TANC2: variants seen among roughly 807,000 people sequenced by gnomAD.
TANC2 encodes protein TANC2.
TANC2 carries 26 observed loss-of-function variants against 210.5 expected under a neutral mutation model. The ratio of observed to expected loss-of-function variants is 0.12; its 90% CI spans 0.09 to 0.17. The LOEUF (loss-of-function observed/expected upper bound fraction) is 0.17. Among genes scored for constraint, TANC2 ranks in the 10% least tolerant of loss-of-function variants. The probability of loss-of-function intolerance (pLI) is 1.00; values close to 1 mark genes in which losing one functional copy is unlikely to be tolerated. For missense variants in TANC2, 2,129 were observed against 2,608.9 expected (o/e 0.82, Z 4.01); for synonymous variants, 931 against 967.1 (o/e 0.96, Z 0.69).
chr17:63,298,458 G>A (rs2044606058), intron 9 of TANC2, among the ~76,000 whole-genome samples: 2 of 152,180 alleles, frequency 1.3e-5, no homozygotes, highest in Admixed American at 6.6e-5. Context: ...GTCACATCTC[G>A]TTTGTGAGAT....
intron 3 of TANC2, among the ~76,000 whole-genome samples, chr17:63,077,183 G>A (rs944405610): frequency 4.6e-5 from 7 of 152,088 alleles, no homozygotes; most frequent in African/African-American, 1.4e-4. Flanking sequence ...CTTCTCAGTC[G>A]TAGCATTGGA....
At chr17:63,148,959 C>T (rs1353854898) in intron 4 of TANC2, 1 of 152,226 alleles carries the variant, frequency 6.6e-6, no homozygotes, top group East Asian at 1.9e-4. Context: ...TGGATGAGAA[C>T]ACCATTATCA....
At chr17:63,000,423 G>A (rs1266344932) in intron 1 of TANC2, among the ~76,000 whole-genome samples, 4 of 152,124 alleles carry the variant, frequency 2.6e-5, no homozygotes. Flanking sequence ...GATGAACATT[G>A]AAAATGAAAA....
At chr17:63,224,519 G>T (rs1598643219) in intron 7 of TANC2, among the ~76,000 whole-genome samples, 1 of 152,134 alleles carries the variant, frequency 6.6e-6, no homozygotes, top group South Asian at 2.1e-4. Context: ...GATTACAGGC[G>T]TGAGCCACCA....
chr17:63,186,198 C>T (rs2040977197), intron 5 of TANC2, among the ~76,000 whole-genome samples: 1 of 152,124 alleles, frequency 6.6e-6, no homozygotes, highest in South Asian at 2.1e-4. Context: ...TGTTCTGAAT[C>T]AGGTGATTAT....
At chr17:63,380,017 T>G (rs1190552772) in intron 15 of TANC2, among the ~76,000 whole-genome samples, 191 bp downstream of exon 15, 1 of 152,184 alleles carries the variant, frequency 6.6e-6, no homozygotes, top group East Asian at 1.9e-4. Flanking sequence ...CCAGTGTAAC[T>G]AACTGATAGG....
At chr17:62,994,019 A>G (rs1359091230) in intron 1 of TANC2, among the ~76,000 whole-genome samples, 1 of 152,084 alleles carries the variant, frequency 6.6e-6, no homozygotes, top group African/African-American at 2.4e-5. Context: ...TTTTTGGTGT[A>G]TTCTTTAGGA....
intron 2 of TANC2, among the ~76,000 whole-genome samples, chr17:63,016,224 A>T (rs2034100803): frequency 6.6e-6 from 1 of 152,220 alleles, no homozygotes; most frequent in South Asian, 2.1e-4. Flanking sequence ...TTAGAAAAAA[A>T]TTTTAAACCA....
intron 2 of TANC2, among the ~76,000 whole-genome samples, chr17:63,032,570 C>T (rs557172376): frequency 2.6e-5 from 4 of 152,156 alleles, no homozygotes; most frequent in South Asian, 2.1e-4. Flanking sequence ...AGAAAAGAAT[C>T]GACTGAACTA....
At chr17:63,002,643 C>T (rs1050134326) in intron 1 of TANC2, among the ~76,000 whole-genome samples, 2 of 152,154 alleles carry the variant, frequency 1.3e-5, no homozygotes, top group African/African-American at 4.8e-5. Context: ...CGTGCCATTT[C>T]TAAGTTGATC....
intron 9 of TANC2, among the ~76,000 whole-genome samples, chr17:63,307,145 T>A (rs1175921623): frequency 9.2e-5 from 14 of 152,062 alleles, no homozygotes; most frequent in Non-Finnish European, 8.8e-5. Context: ...TTGAGCACTA[T>A]GGGAGGGAGT....
chr17:63,415,722 A>C, intron 26 of TANC2, 48 bp downstream of exon 26: 1 of 1,589,628 alleles, frequency 6.3e-7, no homozygotes, highest in East Asian at 2.2e-5. Flanking sequence ...GGTAGCTGAT[A>C]GCCTGTGTCA....
intron 9 of TANC2, among the ~76,000 whole-genome samples, chr17:63,302,714 C>T (rs754818575): frequency 7.1e-6 from 1 of 140,794 alleles, no homozygotes; most frequent in Admixed American, 7.5e-5. Context: ...CTCCTGAATA[C>T]AGCACACAGA....
rs77515172 is a variant in TANC2, at chr17:63,308,251, T to A, written c.1160-6137T>A. Among the ~76,000 whole-genome samples, 132 of 152,340 alleles carry A rather than the reference T, an allele frequency of 8.7e-4. 1 individual carries two copies. The highest frequency in any genetic ancestry group is 1.6e-3 in the Non-Finnish European group (109 of 68,010). On this transcript the variant is annotated intron_variant, in intron 9 of 27. Transcript: ENST00000689528. ...CTCCATAATCCCTTAGACTTGAAAC[T>A]GGAAAAATCTTTGGCTTCTTCCGCT...
intron 4 of TANC2, among the ~76,000 whole-genome samples, chr17:63,143,285 TA>T (rs1309790900): frequency 6.6e-6 from 1 of 152,246 alleles, no homozygotes; most frequent in African/African-American, 2.4e-5. Context: ...TGCTAATCCT[TA>T]AAAAGTTATC....
intron 5 of TANC2, among the ~76,000 whole-genome samples, chr17:63,185,550 A>G (rs2040952656): frequency 6.6e-6 from 1 of 152,196 alleles, no homozygotes; most frequent in Non-Finnish European, 1.5e-5. Flanking sequence ...AACATTTTCC[A>G]AATTTGAAAC....
At chr17:63,385,574 TG>T (rs1382383873) in intron 15 of TANC2, among the ~76,000 whole-genome samples, 1 of 152,230 alleles carries the variant, frequency 6.6e-6, no homozygotes, top group Non-Finnish European at 1.5e-5. Flanking sequence ...CATGGCCAAA[TG>T]AGAGTTTGTA....
chr17:63,165,216 G>T lies in TANC2; in HGVS notation c.433+13836G>T, dbSNP rs1190833882. ...TTCAGCCCAGGAGTTTGGGGCTGCAGTGAGCTATGGTAGCACCACTGCACT... is the reference window on the plus strand; with the variant it reads ...TTCAGCCCAGGAGTTTGGGGCTGCATTGAGCTATGGTAGCACCACTGCACT... On this transcript the variant is annotated intron_variant, in intron 5 of 27. Transcript: ENST00000689528. Among the ~76,000 whole-genome samples the T allele has an allele frequency of 2.6e-5, 4 of 152,010 alleles. No individual in the cohort carries two copies. In the East Asian group the frequency reaches 5.8e-4, roughly 22 times the overall value.
At chr17:63,342,757 C>T (rs1399462066) in intron 12 of TANC2, among the ~76,000 whole-genome samples, 1 of 152,052 alleles carries the variant, frequency 6.6e-6, no homozygotes. Context: ...GCCTGGGCGA[C>T]AGAGTGAGAC....
Sources: allele counts gnomAD v4.1 joint callset (sites outside exome capture counted in the v4.1 genomes callset), GRCh38; gene constraint gnomAD v4.1.1; transcripts MANE v1.5; gene names NCBI Gene and HGNC (gene_info 2026-07-23, HGNC 2026-07-21).